PBRM1: variants seen among roughly 807,000 people sequenced by gnomAD.
PBRM1 encodes the protein polybromo 1.
In PBRM1, 27 loss-of-function variants were observed where a neutral mutation model predicts 194.5. That is an observed-to-expected ratio of 0.14 (90% confidence interval 0.10 to 0.19). The LOEUF (loss-of-function observed/expected upper bound fraction) is 0.19. Ranked by LOEUF, PBRM1 falls within the 10% of genes least tolerant of loss-of-function variation. The pLI is 1.00. For synonymous variants in PBRM1, 655 were observed against 693.2 expected (o/e 0.94, Z 0.87); for missense variants, 1,466 against 2,077.2 (o/e 0.71, Z 5.72).
chr3:52,644,141 T>C (rs556196425), intron 8 of PBRM1, among the ~76,000 whole-genome samples: 11 of 151,896 alleles, frequency 7.2e-5, no homozygotes, highest in Non-Finnish European at 1.3e-4. Context: ...ATATATTATA[T>C]ATGTATATTC....
chr3:52,683,711 G>A (rs757860841), upstream of PBRM1, among the ~76,000 whole-genome samples: 9 of 134,260 alleles, frequency 6.7e-5, no homozygotes, highest in Non-Finnish European at 9.6e-5. Flanking sequence ...CCAGGCACTC[G>A]AGAGGGTGAG....
At chr3:52,574,125 T>C (rs913810327) in intron 22 of PBRM1, among the ~76,000 whole-genome samples, 5 of 152,206 alleles carry the variant, frequency 3.3e-5, no homozygotes, top group African/African-American at 1.2e-4. Flanking sequence ...CTGGGTAATT[T>C]ATAAAGAACA....
intron 14 of PBRM1, 131 bp from the exon 17 acceptor site, chr3:52,615,587 A>C: frequency 3.3e-6 from 2 of 607,208 alleles, no homozygotes; most frequent in South Asian, 2.1e-5. Flanking sequence ...AACCAGCCTC[A>C]CTACAGAGCA....
chr3:52,598,127 C>G (rs2093708377), intron 17 of PBRM1, among the ~76,000 whole-genome samples: 3 of 152,156 alleles, frequency 2.0e-5, no homozygotes, highest in African/African-American at 7.2e-5. Flanking sequence ...CCACATAATT[C>G]ACCTATTTAA....
chr3:52,553,414 T>C (rs1338625101), intron 27 of PBRM1, among the ~76,000 whole-genome samples: 1 of 152,156 alleles, frequency 6.6e-6, no homozygotes, highest in African/African-American at 2.4e-5. Context: ...ATAAAAGAAC[T>C]TCTAAGCTTC....
chr3:52,678,640 CA>C, intron 1 of PBRM1, 43 bp from the exon 3 acceptor site: 1 of 1,229,000 alleles, frequency 8.1e-7, no homozygotes, highest in Non-Finnish European at 1.2e-6. Context: ...AAAAAGTGAA[CA>C]GAAAGCCAGT....
At chr3:52,657,189 T>C (rs2096623127) in intron 5 of PBRM1, among the ~76,000 whole-genome samples, 1 of 152,158 alleles carries the variant, frequency 6.6e-6, no homozygotes, top group South Asian at 2.1e-4. Flanking sequence ...AGTTTTGGTT[T>C]TGTAAGACTA....
chr3:52,679,268 C>T (rs1340276404), intron 1 of PBRM1, among the ~76,000 whole-genome samples: 1 of 134,514 alleles, frequency 7.4e-6, no homozygotes, highest in African/African-American at 2.9e-5. Flanking sequence ...AATCTAAGTT[C>T]CATGTGAAAA....
At chr3:52,644,743 A>G (rs1288968634) in exon 8 of PBRM1, 8 of 1,560,708 alleles carry the variant, frequency 5.1e-6, no homozygotes, top group Non-Finnish European at 7.1e-6. Flanking sequence ...ATGATGTTCA[A>G]TTTCAGCCTT....
At chr3:52,675,661 A>G (rs2154031945) in intron 2 of PBRM1, among the ~76,000 whole-genome samples, 1 of 152,346 alleles carries the variant, frequency 6.6e-6, no homozygotes, top group South Asian at 2.1e-4. Flanking sequence ...TGCTACTGGT[A>G]TAAAAACAGA....
intron 22 of PBRM1, among the ~76,000 whole-genome samples, chr3:52,571,824 C>G (rs2087387595): frequency 8.2e-6 from 1 of 122,344 alleles, no homozygotes; most frequent in South Asian, 2.6e-4. Context: ...GAGTTTGAGA[C>G]CAGCCTGAGC....
chr3:52,678,830 T>C lies in PBRM1; in HGVS notation c.139-233A>G, dbSNP rs1454319565. Among the ~76,000 whole-genome samples the C allele has an allele frequency of 2.6e-5, 4 of 152,352 alleles. No homozygotes were observed. In the East Asian group the frequency reaches 5.8e-4, roughly 22 times the overall value. ...CATCAGATTTATGCTCCTGGTGATT[T>C]TGTCTTCTAAACTATATCAGTTCAT... On this transcript the variant is annotated intron_variant, in intron 1 of 29. Transcript: ENST00000296302.
At chr3:52,676,431 G>T (rs2097106871) in intron 2 of PBRM1, among the ~76,000 whole-genome samples, 1 of 152,098 alleles carries the variant, frequency 6.6e-6, no homozygotes, top group Admixed American at 6.5e-5. Flanking sequence ...GGGTTTATTA[G>T]GGGTTCCCAC....
intron 13 of PBRM1, among the ~76,000 whole-genome samples, chr3:52,626,587 A>T (rs2095455611): frequency 6.6e-6 from 1 of 152,224 alleles, no homozygotes; most frequent in Non-Finnish European, 1.5e-5. Flanking sequence ...TTCCACAATG[A>T]TCAGGCGAGA....
chr3:52,656,123 A>T (rs1024416990), intron 5 of PBRM1, among the ~76,000 whole-genome samples: 2 of 152,226 alleles, frequency 1.3e-5, no homozygotes, highest in Non-Finnish European at 2.9e-5. Context: ...TTGCAGTTTC[A>T]TAGGCTAATG....
intron 5 of PBRM1, 30 bp from the exon 7 acceptor site, chr3:52,651,840 TA>T: frequency 2.2e-6 from 3 of 1,377,368 alleles, no homozygotes; most frequent in Non-Finnish European, 3.1e-6. Context: ...GCATGCTCAA[TA>T]AGTTAAACTA....
chr3:52,613,951 T>C (rs569725054), intron 15 of PBRM1, among the ~76,000 whole-genome samples: 1 of 152,364 alleles, frequency 6.6e-6, no homozygotes, highest in South Asian at 2.1e-4. Context: ...AGTTTTACAT[T>C]TCTGCAAACC....
intron 17 of PBRM1, among the ~76,000 whole-genome samples, chr3:52,598,064 T>C (rs911794033): frequency 9.2e-5 from 14 of 152,226 alleles, no homozygotes; most frequent in African/African-American, 3.4e-4. Flanking sequence ...TTCTTCAACT[T>C]TGTATTCTAA....
At chr3:52,647,444 AAAAAAAAAAAAAAATATATATATAT>A (rs1351362734) in intron 7 of PBRM1, among the ~76,000 whole-genome samples, 2 of 79,722 alleles carry the variant, frequency 2.5e-5, no homozygotes, top group African/African-American at 9.0e-5. Context: ...AAAAAAAAAA[AAAAAAAAAAAAAAATATATATATAT>A]ATATATATAT....
Sources: gnomAD v4.1 joint callset for allele counts (sites outside exome capture counted in the v4.1 genomes callset) on GRCh38, gnomAD v4.1.1 for gene constraint, MANE v1.5 for transcripts, NCBI Gene and HGNC (gene_info 2026-07-23, HGNC 2026-07-21) for gene names.